PPM1E: variants seen among roughly 807,000 people sequenced by gnomAD.
PPM1E encodes the protein protein phosphatase 1E.
Under a neutral mutation model 65.9 loss-of-function variants are expected in PPM1E, and 20 were observed. That is an observed-to-expected ratio of 0.30 (90% CI 0.21 to 0.44). PPM1E has a LOEUF of 0.44. PPM1E is among the 20% of genes least tolerant of loss of function. PPM1E has a pLI of 1.00. For synonymous variants in PPM1E, 352 were observed against 374.9 expected (o/e 0.94, Z 0.70); for missense variants, 713 against 953.1 (o/e 0.75, Z 3.32).
At chr17:58,972,049 A>G (rs1270216772) in intron 4 of PPM1E, 83 bp from the exon 5 acceptor site, 2 of 1,346,018 alleles carry the variant, frequency 1.5e-6, no homozygotes, top group African/African-American at 1.5e-5. Context: ...CCAGCTGAAA[A>G]GCTTAATTAT....
chr17:58,820,382 GA>G, intron 1 of PPM1E, among the ~76,000 whole-genome samples: 1 of 152,106 alleles, frequency 6.6e-6, no homozygotes, highest in Non-Finnish European at 1.5e-5. Context: ...TTCTCCTCAG[GA>G]AAATGCAGCT....
intron 1 of PPM1E, among the ~76,000 whole-genome samples, chr17:58,919,574 T>G (rs998453151): frequency 3.9e-5 from 6 of 151,962 alleles, no homozygotes; most frequent in African/African-American, 1.5e-4. Flanking sequence ...TCACCTGAGA[T>G]CGGGAGTTTG....
At chr17:58,968,095 C>T (rs1195856346) in intron 3 of PPM1E, among the ~76,000 whole-genome samples, 1 of 152,162 alleles carries the variant, frequency 6.6e-6, no homozygotes, top group African/African-American at 2.4e-5. Context: ...AGCCACCGCA[C>T]CCGGCCAGGA....
intron 2 of PPM1E, among the ~76,000 whole-genome samples, chr17:58,961,469 A>G (rs2030029283): frequency 6.6e-6 from 1 of 152,240 alleles, no homozygotes; most frequent in South Asian, 2.1e-4. Context: ...GAGGCATAGA[A>G]TGTAGCAAAT....
At chr17:58,930,248 T>TAC (rs563715161) in intron 1 of PPM1E, among the ~76,000 whole-genome samples, 3,832 of 142,008 alleles carry the variant, frequency 0.027, 64 homozygotes, top group African/African-American at 0.06. Flanking sequence ...ATTAAATGTA[T>TAC]ATACACACAC....
At chr17:58,819,806 G>A (rs182328422) in intron 1 of PPM1E, among the ~76,000 whole-genome samples, 1 of 152,096 alleles carries the variant, frequency 6.6e-6, no homozygotes, top group Non-Finnish European at 1.5e-5. Context: ...GGAGACAGAG[G>A]TGGGTGGATC....
chr17:58,876,975 A>G (rs1287388147), intron 1 of PPM1E, among the ~76,000 whole-genome samples: 2 of 152,086 alleles, frequency 1.3e-5, no homozygotes, highest in South Asian at 2.1e-4. Flanking sequence ...AGTAGAGACA[A>G]GGTTTCACCG....
At position 58,965,908 on chromosome 17, in the gene PPM1E, C is replaced by T. The variant is rs370497529; in HGVS notation, c.783+15C>T. 36 of 1,611,418 alleles carry T rather than the reference C, an allele frequency of 2.2e-5. No individual in the cohort carries two copies. The highest frequency in any genetic ancestry group is 7.7e-5 in the South Asian group (7 of 91,030). ...TCAACCTAGAGGTAAAGGGCACTTT[C>T]GGAGAGTCAGTGAGATTTTAAAGAC... is the stretch of plus-strand genomic sequence containing the variant. On this transcript the variant is annotated intron_variant, in intron 3 of 6. Coordinates refer to ENST00000308249, the MANE Select transcript of PPM1E (RefSeq NM_014906.5).
rs186892239 is a variant in PPM1E, at chr17:58,806,204, A to G, written c.464+49743A>G. ...TAACTTGCTTAAGGTTGTGGAGTTT[A>G]TAGCAGCAAACCTAGGTCTTTTGAC... On this transcript the variant is annotated intron_variant, in intron 1 of 6. Transcript: ENST00000308249. Among the ~76,000 whole-genome samples, 485 of 152,100 alleles carry G rather than the reference A, an allele frequency of 3.2e-3. 4 individuals carry two copies. Among genetic ancestry groups the G allele is most frequent in the Non-Finnish European group, 5.0e-3 (339 of 67,982 alleles).
chr17:58,937,136 A>T (rs140806566), intron 1 of PPM1E, among the ~76,000 whole-genome samples: 4,107 of 152,188 alleles, frequency 0.027, 90 homozygotes, highest in African/African-American at 0.059. Flanking sequence ...TACAAAAAAA[A>T]AAAATAAAAT....
At chr17:58,781,843 G>A (rs1015010239) in intron 1 of PPM1E, among the ~76,000 whole-genome samples, 3 of 151,748 alleles carry the variant, frequency 2.0e-5, no homozygotes, top group African/African-American at 7.3e-5. Context: ...CCAAGATCAC[G>A]CCTGTGCACT....
intron 1 of PPM1E, among the ~76,000 whole-genome samples, chr17:58,837,236 T>A (rs1319590525): frequency 4.9e-5 from 4 of 82,042 alleles, no homozygotes; most frequent in Non-Finnish European, 7.2e-5. Flanking sequence ...GCTAACAGAG[T>A]AAAACCCTGT....
At chr17:58,808,853 TA>T (rs919961662) in intron 1 of PPM1E, among the ~76,000 whole-genome samples, 21 of 147,042 alleles carry the variant, frequency 1.4e-4, no homozygotes, top group East Asian at 3.9e-4. Context: ...CCATGTAGTT[TA>T]AAAAAAAAAA....
intron 1 of PPM1E, among the ~76,000 whole-genome samples, chr17:58,881,996 C>CAAAAA (rs58449667): frequency 3.2e-5 from 2 of 62,246 alleles, no homozygotes. Context: ...CCTGTCTCTA[C>CAAAAA]AAAAAAAAAA....
At chr17:58,793,865 A>T (rs1567835488) in intron 1 of PPM1E, among the ~76,000 whole-genome samples, 1 of 152,014 alleles carries the variant, frequency 6.6e-6, no homozygotes. Context: ...TTATTTTGCG[A>T]CAGGGTTTCA....
At position 58,756,096 on chromosome 17, in the gene PPM1E, G is replaced by A. The variant is rs74256772; in HGVS notation, c.99G>A (p.Pro33=). 3 of 1,597,604 alleles carry A rather than the reference G, an allele frequency of 1.9e-6. No individual in the cohort carries two copies. In the East Asian group the frequency reaches 6.8e-5, roughly 36 times the overall value. The change falls in exon 1 of 7, where the codon CCG becomes CCA. Residue 33 remains proline, a synonymous_variant. Coordinates refer to ENST00000308249, the MANE Select transcript of PPM1E (RefSeq NM_014906.5). ...RGPCGGGEPE[P]EPEPEPEPEP... Reference sequence around the variant, plus strand: ...CGTGCGGCGGCGGCGAGCCGGAGCCGGAACCCGAACCCGAACCCGAACCCG... The same window carrying A: ...CGTGCGGCGGCGGCGAGCCGGAGCCAGAACCCGAACCCGAACCCGAACCCG...
intron 1 of PPM1E, among the ~76,000 whole-genome samples, chr17:58,908,305 T>C (rs2051582846): frequency 6.6e-6 from 1 of 152,108 alleles, no homozygotes; most frequent in Admixed American, 6.5e-5. Flanking sequence ...GATCTCAAAC[T>C]CCTCACCTTG....
At chr17:58,957,036 C>A (rs1485210231) in intron 2 of PPM1E, among the ~76,000 whole-genome samples, 1 of 152,152 alleles carries the variant, frequency 6.6e-6, no homozygotes, top group Non-Finnish European at 1.5e-5. Flanking sequence ...AGAATTCTTG[C>A]TATAAAGCAT....
At chr17:58,931,983 A>G (rs983376809) in intron 1 of PPM1E, among the ~76,000 whole-genome samples, 2 of 152,188 alleles carry the variant, frequency 1.3e-5, no homozygotes, top group Non-Finnish European at 2.9e-5. Context: ...ATGACCCCAA[A>G]GAATTGGGAG....
Sources: gnomAD v4.1 joint callset for allele counts (sites outside exome capture counted in the v4.1 genomes callset) on GRCh38, gnomAD v4.1.1 for gene constraint, MANE v1.5 for transcripts, NCBI Gene and HGNC (gene_info 2026-07-23, HGNC 2026-07-21) for gene names.